NBAS: variants seen among roughly 807,000 people sequenced by gnomAD.
NBAS encodes NAG/BC035112 fusion.
NBAS carries 219 observed loss-of-function variants against 302.5 expected under a neutral mutation model. The observed-to-expected ratio is 0.72, with a 90% CI of 0.65 to 0.81. NBAS has a LOEUF of 0.81. Among genes scored for constraint, NBAS ranks in the 30% least tolerant of loss-of-function variants. The probability of loss-of-function intolerance (pLI) is 0.00; values close to 1 mark genes in which losing one functional copy is unlikely to be tolerated. For missense variants in NBAS, 2,932 were observed against 2,841.6 expected (o/e 1.03, Z -0.72); for synonymous variants, 1,118 against 1,021.6 (o/e 1.09, Z -1.80).
the NBAS span, among the ~76,000 whole-genome samples, chr2:14,882,265 G>T: frequency 6.6e-6 from 1 of 152,090 alleles, no homozygotes; most frequent in African/African-American, 2.4e-5. Context: ...TGAGTTACAG[G>T]ATTCATTTTG....
chr2:15,235,186 T>C (rs965449999), intron 45 of NBAS, among the ~76,000 whole-genome samples: 7 of 152,248 alleles, frequency 4.6e-5, no homozygotes, highest in African/African-American at 1.7e-4. Flanking sequence ...CCAGGTATTA[T>C]ACATATGGTA....
chr2:14,829,022 G>A, the NBAS span, among the ~76,000 whole-genome samples: 1 of 151,734 alleles, frequency 6.6e-6, no homozygotes, highest in Non-Finnish European at 1.5e-5. Context: ...TAATTGCCTG[G>A]TGGTGATTTT....
intron 47 of NBAS, among the ~76,000 whole-genome samples, chr2:15,230,491 T>C (rs1667338244): frequency 6.6e-6 from 1 of 152,040 alleles, no homozygotes; most frequent in Admixed American, 6.5e-5. Context: ...CTTGTTCTGT[T>C]TCTCCACTCC....
At chr2:15,375,137 G>A (rs1026224388) in intron 30 of NBAS, among the ~76,000 whole-genome samples, 4 of 152,094 alleles carry the variant, frequency 2.6e-5, no homozygotes, top group African/African-American at 9.7e-5. Flanking sequence ...GTCTTGATTT[G>A]GTCACAATGT....
intron 21 of NBAS, among the ~76,000 whole-genome samples, chr2:15,439,824 G>A (rs1223137406): frequency 2.0e-5 from 3 of 152,200 alleles, no homozygotes; most frequent in Non-Finnish European, 2.9e-5. Flanking sequence ...TTTTCCAACA[G>A]GCTTAAAAAA....
At chr2:14,810,027 G>T in the NBAS span, among the ~76,000 whole-genome samples, 1 of 152,224 alleles carries the variant, frequency 6.6e-6, no homozygotes, top group Non-Finnish European at 1.5e-5. Context: ...TGGAATGGCT[G>T]TATTTACCCA....
the NBAS span, among the ~76,000 whole-genome samples, chr2:15,087,223 AACACACACAC>A: frequency 1.4e-5 from 2 of 143,190 alleles, no homozygotes; most frequent in African/African-American, 2.6e-5. Context: ...TTTTTATACA[AACACACACAC>A]ACACACACAC....
At chr2:15,220,597 T>C (rs1666906515) in intron 47 of NBAS, among the ~76,000 whole-genome samples, 1 of 152,204 alleles carries the variant, frequency 6.6e-6, no homozygotes. Context: ...TTCTATCTCA[T>C]ACTGGAATCT....
chr2:15,252,716 C>T (rs999852829), intron 44 of NBAS, among the ~76,000 whole-genome samples: 2 of 151,992 alleles, frequency 1.3e-5, no homozygotes, highest in Non-Finnish European at 2.9e-5. Flanking sequence ...TTTCCATTTA[C>T]AAACTCACCC....
the NBAS span, among the ~76,000 whole-genome samples, chr2:14,951,039 T>C: frequency 6.6e-6 from 1 of 152,094 alleles, no homozygotes; most frequent in Non-Finnish European, 1.5e-5. Context: ...CTACTCTCCA[T>C]ATGAGCTGAA....
the NBAS span, among the ~76,000 whole-genome samples, chr2:14,825,689 T>C: frequency 1.4e-4 from 21 of 152,254 alleles, no homozygotes; most frequent in Non-Finnish European, 2.6e-4. Flanking sequence ...ATAATATACC[T>C]TGCAAATACC....
chr2:15,385,100 G>A (rs1028089912), intron 28 of NBAS, among the ~76,000 whole-genome samples: 6 of 152,092 alleles, frequency 3.9e-5, no homozygotes, highest in African/African-American at 1.4e-4. Context: ...TGTTCCACAT[G>A]CAATTAGGCA....
chr2:14,859,368 A>C, the NBAS span, among the ~76,000 whole-genome samples: 1 of 152,006 alleles, frequency 6.6e-6, no homozygotes, highest in Admixed American at 6.6e-5. Flanking sequence ...ACCATAAAAG[A>C]CTCTGAATAG....
chr2:15,459,200 G>A (rs1233854613), intron 21 of NBAS, among the ~76,000 whole-genome samples: 1 of 152,144 alleles, frequency 6.6e-6, no homozygotes, highest in South Asian at 2.1e-4. Flanking sequence ...CTGAGGACAT[G>A]GGGGAGGCCC....
the NBAS span, among the ~76,000 whole-genome samples, chr2:15,011,008 C>T: frequency 1.3e-5 from 2 of 152,108 alleles, no homozygotes; most frequent in African/African-American, 4.8e-5. Flanking sequence ...ATTTTCAAGC[C>T]ATTGATTTGT....
At chr2:15,416,487 A>G (rs929019620) in intron 24 of NBAS, among the ~76,000 whole-genome samples, 10 of 152,318 alleles carry the variant, frequency 6.6e-5, no homozygotes, top group Admixed American at 2.0e-4. Context: ...AGATAACGGG[A>G]AAGTAAAGAC....
At chr2:15,017,406 A>G in the NBAS span, among the ~76,000 whole-genome samples, 1 of 152,114 alleles carries the variant, frequency 6.6e-6, no homozygotes, top group Admixed American at 6.5e-5. Context: ...ATATTTAGAA[A>G]CTATTCATCC....
chr2:15,447,507 G>T (rs569363004), intron 21 of NBAS, among the ~76,000 whole-genome samples: 1 of 152,282 alleles, frequency 6.6e-6, no homozygotes, highest in Non-Finnish European at 1.5e-5. Context: ...GTGGCTAGAA[G>T]ACGGTAAAAG....
chr2:15,117,621 G>A, the NBAS span, among the ~76,000 whole-genome samples: 1 of 152,212 alleles, frequency 6.6e-6, no homozygotes, highest in Non-Finnish European at 1.5e-5. Flanking sequence ...CAGAGCCTTT[G>A]GTGGCATGCA....
Sources: gnomAD v4.1 joint callset for allele counts (sites outside exome capture counted in the v4.1 genomes callset) on GRCh38, gnomAD v4.1.1 for gene constraint, MANE v1.5 for transcripts, NCBI Gene and HGNC (gene_info 2026-07-23, HGNC 2026-07-21) for gene names.